ADGRE5: variants seen among roughly 807,000 people sequenced by gnomAD.
ADGRE5 encodes CD97 molecule.
A neutral mutation model predicts 100.3 loss-of-function variants in ADGRE5; 72 were observed. The ratio of observed to expected loss-of-function variants is 0.72; its 90% confidence interval spans 0.59 to 0.87. The LOEUF is 0.87. Ranked by LOEUF, ADGRE5 falls within the 40% of genes least tolerant of loss-of-function variation. The probability of loss-of-function intolerance (pLI) is 0.00; values close to 1 mark genes in which losing one functional copy is unlikely to be tolerated. For missense variants in ADGRE5, 959 were observed against 1,094.7 expected, an observed-to-expected ratio of 0.88 and a Z score of 1.75; for synonymous variants, 439 against 447.8, an observed-to-expected ratio of 0.98 and a Z score of 0.25.
At chr19:14,388,316 CTG>C in intron 1 of ADGRE5, 132 bp from the exon 2 acceptor site, 1 of 1,478,786 alleles carries the variant, frequency 6.8e-7, no homozygotes, top group Non-Finnish European at 9.2e-7. Flanking sequence ...GACATGACAT[CTG>C]CTCACTCTGA....
rs1490627034 is a variant in ADGRE5 at position 14,397,195 on chromosome 19, CA to C, written c.599del (p.Asn200MetfsTer60). ...GCTGGCAACCGATTCCGGGGTCCCC[CA>C]ATGGCCCAAACAATACCGTCTGTGA... ...PGWQPIPGSP[N>X]GPNNTVCEDV... On this transcript the variant is annotated frameshift_variant, in exon 6 of 20. Transcript: ENST00000242786. LOFTEE classifies it high-confidence loss of function. 6.2e-7 allele frequency: 1 copy of C among 1,613,894 alleles called. No homozygotes were observed. The highest frequency in any genetic ancestry group is 8.5e-7 in the Non-Finnish European group (1 of 1,179,992).
In ADGRE5 at chr19:14,398,072, G is replaced by T. The variant is rs768917949; in HGVS notation, c.830G>T (p.Arg277Leu). The change falls in exon 9 of 20, where the codon CGA becomes CTA. Residue 277 changes from arginine (R) to leucine (L), a missense_variant. Coordinates refer to ENST00000242786, the MANE Select transcript of ADGRE5 (RefSeq NM_078481.4). ...PPGVHSQTLSRFFDKVQDLGR... is the reference protein window; with the variant it reads ...PPGVHSQTLSLFFDKVQDLGR... ...CTCCTCTCTCTGCAGACGCTTTCCCGATTCTTCGACAAAGTCCAGGACCTG... is the reference window on the plus strand; with the variant it reads ...CTCCTCTCTCTGCAGACGCTTTCCCTATTCTTCGACAAAGTCCAGGACCTG... The T allele has an allele frequency of 6.2e-6, 10 of 1,613,798 alleles. No homozygotes were observed. In the South Asian group the frequency reaches 1.1e-4, roughly 18 times the overall value.
intron 12 of ADGRE5, 142 bp from the exon 13 acceptor site, chr19:14,404,241 T>C: frequency 1.4e-6 from 1 of 732,050 alleles, no homozygotes; most frequent in Admixed American, 2.5e-5. Flanking sequence ...TGTTCACTGC[T>C]GTGTCTCCAA....
Position 14,401,951 on chromosome 19 carries a change from T to G in ADGRE5, c.1183+191T>G, listed in dbSNP as rs1976030091. On this transcript the variant is annotated intron_variant, in intron 11 of 19. Coordinates refer to ENST00000242786, the MANE Select transcript of ADGRE5 (RefSeq NM_078481.4). This position sits in a 1 kb window ranked among gnomAD's most constrained non-coding sequence, Gnocchi z 4.1. ...TTCAAGACCAGCCTGGGCAACATGGTGAAACCCGGTCTCTACAAAAAATAC... is the reference window on the plus strand; with the variant it reads ...TTCAAGACCAGCCTGGGCAACATGGGGAAACCCGGTCTCTACAAAAAATAC... Among the ~76,000 whole-genome samples, 1 of 151,946 alleles carries G rather than the reference T, an allele frequency of 6.6e-6. No homozygotes were observed. The highest frequency in any genetic ancestry group is 2.1e-4 in the South Asian group (1 of 4,824).
At chr19:14,395,674 G>GA (rs1350876519) in intron 4 of ADGRE5, among the ~76,000 whole-genome samples, 2 of 152,198 alleles carry the variant, frequency 1.3e-5, no homozygotes, top group African/African-American at 2.4e-5. Flanking sequence ...CTGGGGATCA[G>GA]AAAAAAGCAT....
chr19:14,392,867 C>G (rs988816038), intron 4 of ADGRE5, among the ~76,000 whole-genome samples: 1 of 150,276 alleles, frequency 6.7e-6, no homozygotes, highest in Non-Finnish European at 1.5e-5. Context: ...GACAGCACTG[C>G]ACTCCAGCTT....
At chr19:14,405,102 C>T (rs1471430020) in intron 13 of ADGRE5, 1 of 154,924 alleles carries the variant, frequency 6.5e-6, no homozygotes, top group African/African-American at 2.4e-5. Context: ...ACCTCGGCCT[C>T]CCGAAGTGCT....
At chr19:14,405,357 G>A (rs1419990247) in intron 13 of ADGRE5, 14 of 172,898 alleles carry the variant, frequency 8.1e-5, no homozygotes, top group African/African-American at 3.4e-4. Context: ...TGGGCAGGCT[G>A]GTCTCGAACT....
chr19:14,399,415 T>A (rs1975916901), intron 9 of ADGRE5, among the ~76,000 whole-genome samples: 1 of 150,558 alleles, frequency 6.6e-6, no homozygotes, highest in Admixed American at 6.6e-5. Flanking sequence ...ATACAAAAAA[T>A]TAGCCGGGCG....
intron 9 of ADGRE5, among the ~76,000 whole-genome samples, chr19:14,400,332 T>C (rs73517807): frequency 0.015 from 2,327 of 152,108 alleles, 56 homozygotes; most frequent in African/African-American, 0.051. Context: ...TTTTTCATTT[T>C]TTGCAGAGAT....
Position 14,406,680 on chromosome 19 carries a change from AC to A in ADGRE5, c.2049-16del. 2 of 1,610,946 alleles carry A rather than the reference AC, an allele frequency of 1.2e-6. No homozygotes were observed. Among genetic ancestry groups the A allele is most frequent in the Non-Finnish European group, 1.7e-6 (2 of 1,177,614 alleles). On this transcript the variant is annotated intron_variant, in intron 15 of 19. Coordinates refer to ENST00000242786, the MANE Select transcript of ADGRE5 (RefSeq NM_078481.4). This position sits in a 1 kb window ranked among gnomAD's most constrained non-coding sequence, Gnocchi z 6.0. ...CCTGGCTTCCTGGGGCACTGATGGG[AC>A]CCCTCCCTTCCCTCCTAGCTGCTGG... is the stretch of plus-strand genomic sequence containing the variant.
At chr19:14,405,392 C>A (rs911347572) in intron 13 of ADGRE5, 12 of 213,552 alleles carry the variant, frequency 5.6e-5, no homozygotes, top group Non-Finnish European at 9.3e-6. Flanking sequence ...ATCTGCCCCC[C>A]CTCAGCCTCT....
At chr19:14,391,890 G>A (rs1352891482) in intron 4 of ADGRE5, among the ~76,000 whole-genome samples, 2 of 149,770 alleles carry the variant, frequency 1.3e-5, no homozygotes, top group Admixed American at 6.7e-5. Context: ...AACGTCAGGA[G>A]TTTGAGACCA....
chr19:14,408,064 G>T (rs746536179), intron 19 of ADGRE5, 28 bp from the exon 20 acceptor site: 1 of 1,614,096 alleles, frequency 6.2e-7, no homozygotes, highest in Non-Finnish European at 8.5e-7. Context: ...GGCTAGCGGG[G>T]CTCAGGCCTC....
Position 14,401,338 on chromosome 19 carries a change from C to T in ADGRE5, c.898-48C>T. 1 of 1,571,324 alleles carries T rather than the reference C, an allele frequency of 6.4e-7. No homozygotes were observed. Among genetic ancestry groups the T allele is most frequent in the Non-Finnish European group, 8.7e-7 (1 of 1,152,476 alleles). On this transcript the variant is annotated intron_variant, in intron 9 of 19. Coordinates refer to ENST00000242786, the MANE Select transcript of ADGRE5 (RefSeq NM_078481.4). The surrounding 1 kb of genome is among the most constrained non-coding windows in gnomAD (Gnocchi z 4.1). ...GGTGACATCCAGGTCCTTCAGGCAA[C>T]CCCTGTGGTCTGATGCTCCAGCGAT...
chr19:14,395,373 C>T (rs372824702), intron 4 of ADGRE5, among the ~76,000 whole-genome samples: 3 of 152,058 alleles, frequency 2.0e-5, no homozygotes, highest in Non-Finnish European at 4.4e-5. Context: ...CTGGACTAGC[C>T]GGCAAGAGAC....
At chr19:14,398,160 G>A in intron 9 of ADGRE5, 21 bp downstream of exon 9, 2 of 1,611,576 alleles carry the variant, frequency 1.2e-6, no homozygotes, top group Non-Finnish European at 1.7e-6. Flanking sequence ...GATGCTGGGG[G>A]ACCCCAGGAC....
Position 14,408,107 on chromosome 19 carries a change from G to A in ADGRE5, c.2494G>A (p.Glu832Lys). 6.2e-7 allele frequency: 1 copy of A among 1,613,598 alleles called. No homozygotes were observed. Among genetic ancestry groups the A allele is most frequent in the South Asian group, 1.1e-5 (1 of 91,062 alleles). ...TCCTCTCCAGGCCCTCAGGGCATCA[G>A]AGTCCGGCATATGAAGGCGCATGGT... ...HNQTRALRAS[E>K]SGI The change falls in exon 20 of 20, where the codon GAG becomes AAG. Residue 832 changes from glutamate to lysine, a missense_variant. Glu to Lys is a moderately conservative substitution (Grantham distance 56). Coordinates refer to ENST00000242786, the MANE Select transcript of ADGRE5 (RefSeq NM_078481.4).
In ADGRE5 at chr19:14,407,190, C is replaced by G; in HGVS notation, c.2337C>G (p.Gly779=). ...TTACCATCCTCAACTGCCTGCAGGGCGCCTTCCTCTACCTGCTGCACTGCC... is the reference window on the plus strand; with the variant it reads ...TTACCATCCTCAACTGCCTGCAGGGGGCCTTCCTCTACCTGCTGCACTGCC... ...YVFTILNCLQ[G]AFLYLLHCLL... The change falls in exon 18 of 20, where the codon GGC becomes GGG. Residue 779 remains glycine (G), a synonymous_variant. Coordinates refer to ENST00000242786, the MANE Select transcript of ADGRE5 (RefSeq NM_078481.4). 1 of 1,614,102 alleles carries G rather than the reference C, an allele frequency of 6.2e-7. No individual in the cohort carries two copies. Among genetic ancestry groups the G allele is most frequent in the South Asian group, 1.1e-5 (1 of 91,086 alleles).
Sources: gnomAD v4.1 joint callset for allele counts (sites outside exome capture counted in the v4.1 genomes callset) on GRCh38, gnomAD v4.1.1 for gene constraint, Gnocchi (gnomAD v3.1) non-coding constraint, MANE v1.5 for transcripts, NCBI Gene and HGNC (gene_info 2026-07-23, HGNC 2026-07-21) for gene names.